Variants in NAAA observed in about 807,000 individuals in gnomAD.
NAAA encodes N-acylethanolamine acid amidase, also known as N-acylethanolamine-hydrolyzing acid amidase.
A neutral mutation model predicts 44.8 loss-of-function variants in NAAA; 39 were observed. The observed-to-expected ratio is 0.87, with a 90% CI of 0.67 to 1.14. The LOEUF is 1.14. NAAA is among the 50% of genes most tolerant of loss of function. The pLI, the probability that NAAA is intolerant of heterozygous loss-of-function variation, is 0.00. For synonymous variants in NAAA, 178 were observed against 191.3 expected, an observed-to-expected ratio of 0.93 and a Z score of 0.58; for missense variants, 460 against 467.8, an observed-to-expected ratio of 0.98 and a Z score of 0.15.
intron 2 of NAAA, among the ~76,000 whole-genome samples, chr4:75,937,726 G>T (rs1578089385): frequency 6.6e-6 from 1 of 152,150 alleles, no homozygotes; most frequent in African/African-American, 2.4e-5. Flanking sequence ...GGGCTCAAGA[G>T]ATCCATCCAC....
intron 4 of NAAA, 47 bp from the exon 5 acceptor site, chr4:75,925,858 C>A: frequency 6.5e-7 from 1 of 1,531,094 alleles, no homozygotes. Flanking sequence ...TATATATGTA[C>A]ACACATGAAA....
chr4:75,940,643 G>T, intron 1 of NAAA, 101 bp downstream of exon 1: 1 of 1,274,958 alleles, frequency 7.8e-7, no homozygotes, highest in Non-Finnish European at 1.1e-6. Context: ...AGGGTGGCGG[G>T]GAGTAAAGCG....
chr4:75,937,360 G>T (rs999966546), intron 2 of NAAA, among the ~76,000 whole-genome samples: 2 of 152,166 alleles, frequency 1.3e-5, no homozygotes, highest in Non-Finnish European at 2.9e-5. Flanking sequence ...CGGAGGTTGC[G>T]ATGAGCCAAG....
chr4:75,914,653 A>G (rs1170656166), intron 10 of NAAA, among the ~76,000 whole-genome samples: 6 of 152,202 alleles, frequency 3.9e-5, no homozygotes, highest in African/African-American at 1.4e-4. Flanking sequence ...TGCTGAAATT[A>G]CAGTCATGAG....
At chr4:75,928,263 G>C (rs749173893) in intron 4 of NAAA, among the ~76,000 whole-genome samples, 11 of 152,162 alleles carry the variant, frequency 7.2e-5, no homozygotes, top group Non-Finnish European at 1.6e-4. Context: ...GGAACAACCT[G>C]ACCATTCTAG....
At position 75,921,093 on chromosome 4, in the gene NAAA, C is replaced by T. The variant is rs1726118890; in HGVS notation, c.697G>A (p.Ala233Thr). Reference protein sequence around the residue: ...TLSESENFEAAVGKLAKTPLI... With the variant: ...TLSESENFEATVGKLAKTPLI... ...GGAGTCTTGGCCAACTTGCCAACAG[C>T]TGCTTCGAAGTTTTCCGACTCACTC... is the stretch of plus-strand genomic sequence containing the variant. The change falls in exon 6 of 11, where the codon GCT (alanine) becomes ACT (threonine). Residue 233 changes from alanine (A) to threonine (T), a missense_variant. Transcript: ENST00000286733. The T allele has an allele frequency of 1.3e-6, 2 of 1,585,138 alleles. No individual in the cohort carries two copies.
At chr4:75,921,873 G>T (rs77691004) in intron 5 of NAAA, among the ~76,000 whole-genome samples, 1 of 152,126 alleles carries the variant, frequency 6.6e-6, no homozygotes, top group East Asian at 1.9e-4. Context: ...CCCCGAGGGC[G>T]CATGATGACT....
chr4:75,927,015 A>G (rs1410911508), intron 4 of NAAA, among the ~76,000 whole-genome samples: 2 of 152,216 alleles, frequency 1.3e-5, no homozygotes, highest in Non-Finnish European at 2.9e-5. Flanking sequence ...AAACAAAAAA[A>G]AAATGGGCAA....
chr4:75,920,925 T>A (rs1157571412), intron 6 of NAAA, 26 bp downstream of exon 6: 1 of 1,613,398 alleles, frequency 6.2e-7, no homozygotes, highest in African/African-American at 1.3e-5. Context: ...TGATACAAAA[T>A]GACCAGAGCT....
chr4:75,928,303 G>C (rs1726918182), intron 4 of NAAA, among the ~76,000 whole-genome samples: 1 of 152,190 alleles, frequency 6.6e-6, no homozygotes, highest in South Asian at 2.1e-4. Flanking sequence ...TTATAAGAAA[G>C]TAAAAATAGT....
intron 3 of NAAA, among the ~76,000 whole-genome samples, 186 bp from the exon 4 acceptor site, chr4:75,931,490 CATAG>C (rs1278934761): frequency 1.3e-5 from 2 of 151,664 alleles, no homozygotes; most frequent in Admixed American, 6.6e-5. Flanking sequence ...GGGTGTGGTC[CATAG>C]ATAGATTTTA....
chr4:75,930,607 T>C (rs1727142935), intron 4 of NAAA: 1 of 417,738 alleles, frequency 2.4e-6, no homozygotes, highest in East Asian at 6.1e-5. Context: ...TCTGCTTCCA[T>C]CTTAACCTAA....
intron 5 of NAAA, among the ~76,000 whole-genome samples, chr4:75,924,785 A>G (rs550857937): frequency 3.9e-5 from 6 of 152,316 alleles, no homozygotes; most frequent in Admixed American, 3.3e-4. Context: ...CCTCTTCTCT[A>G]TTAGACCTTG....
chr4:75,937,066 CAT>C (rs1320938957), intron 2 of NAAA, among the ~76,000 whole-genome samples: 5 of 152,094 alleles, frequency 3.3e-5, no homozygotes, highest in Admixed American at 3.3e-4. Flanking sequence ...ACAACGATTA[CAT>C]GTTACTTTTA....
intron 4 of NAAA, 43 bp from the exon 5 acceptor site, chr4:75,925,854 T>C: frequency 6.5e-7 from 1 of 1,539,694 alleles, no homozygotes; most frequent in Non-Finnish European, 9.0e-7. Flanking sequence ...TGTGTATATA[T>C]GTACACACAT....
At chr4:75,928,355 A>T (rs1374742190) in intron 4 of NAAA, among the ~76,000 whole-genome samples, 3 of 152,172 alleles carry the variant, frequency 2.0e-5, no homozygotes, top group Non-Finnish European at 2.9e-5. Context: ...TACAGGTGTG[A>T]TGGGGGCTAG....
At chr4:75,934,055 A>G (rs200599351) in intron 3 of NAAA, among the ~76,000 whole-genome samples, 1 of 112 alleles carries the variant, frequency 8.9e-3, no homozygotes, top group Admixed American at 0.036. Flanking sequence ...AGTAGTAGTA[A>G]TAATAATAAT....
At position 75,927,884 on chromosome 4, in the gene NAAA, C is replaced by A. The variant is rs116464982; in HGVS notation, c.590-2073G>T. The stretch of plus-strand genomic sequence containing the variant: ...AAGCACATGAAAAGATACTCCATAT[C>A]ATTAATCATTAAGAGAAATAAAAAT... On this transcript the variant is annotated intron_variant, in intron 4 of 10. Transcript: ENST00000286733. 2.1e-3 allele frequency among the ~76,000 whole-genome samples: 324 copies of A among 152,176 alleles called. 1 individual carries two copies. The highest frequency in any genetic ancestry group is 7.3e-3 in the African/African-American group (305 of 41,532).
chr4:75,922,631 A>G (rs1560505342), intron 5 of NAAA, among the ~76,000 whole-genome samples: 1 of 152,214 alleles, frequency 6.6e-6, no homozygotes, highest in East Asian at 1.9e-4. Flanking sequence ...AAAATGGACA[A>G]TGTCCCCTGT....
Sources: allele counts gnomAD v4.1 joint callset (sites outside exome capture counted in the v4.1 genomes callset), GRCh38; gene constraint gnomAD v4.1.1; transcripts MANE v1.5; gene names NCBI Gene and HGNC (gene_info 2026-07-23, HGNC 2026-07-21).